The following B4GALNT3 variants were observed in gnomAD, a reference collection of about 807,000 sequenced individuals.
The protein encoded by B4GALNT3 is beta-1,4-N-acetylgalactosaminyltransferase 3.
A neutral mutation model predicts 120.2 loss-of-function variants in B4GALNT3; 86 were observed. That is an observed-to-expected ratio of 0.72 (90% CI 0.60 to 0.86). B4GALNT3 has a LOEUF of 0.86. Ranked by LOEUF, B4GALNT3 falls within the 40% of genes least tolerant of loss-of-function variation. B4GALNT3 has a pLI of 0.00. For synonymous variants in B4GALNT3, 518 were observed against 510.4 expected (o/e 1.01, Z -0.20); for missense variants, 1,167 against 1,298.9 (o/e 0.90, Z 1.56).
rs530461566 is a variant in B4GALNT3, at chr12:472,471, C to T, written c.169+11926C>T. On this transcript the variant is annotated intron_variant, in intron 1 of 19. Coordinates refer to ENST00000266383, the MANE Select transcript of B4GALNT3 (RefSeq NM_173593.4). ...ATTTTATTTTATTTATTTTTTGAGACGGAGTCTCGCTCTTTCGCCCAGGCT... is the reference window on the plus strand; with the variant it reads ...ATTTTATTTTATTTATTTTTTGAGATGGAGTCTCGCTCTTTCGCCCAGGCT... Among the ~76,000 whole-genome samples the T allele has an allele frequency of 9.6e-5, 13 of 135,966 alleles. 1 individual carries two copies. Among genetic ancestry groups the T allele is most frequent in the African/African-American group, 2.6e-4 (8 of 30,810 alleles). 89.2% of individuals were successfully genotyped at this position (135,966 alleles called of 152,430 possible).
At chr12:491,882 C>T (rs371208141) in intron 1 of B4GALNT3, among the ~76,000 whole-genome samples, 3 of 151,664 alleles carry the variant, frequency 2.0e-5, no homozygotes, top group Non-Finnish European at 2.9e-5. Flanking sequence ...AGTGAAACCT[C>T]GTCTCTACTA....
At chr12:491,295 A>G (rs140677603) in intron 1 of B4GALNT3, among the ~76,000 whole-genome samples, 154 of 152,080 alleles carry the variant, frequency 1.0e-3, no homozygotes, top group African/African-American at 3.6e-3. Context: ...TACAGAAAAG[A>G]TATTTGACAA....
intron 1 of B4GALNT3, among the ~76,000 whole-genome samples, chr12:505,101 C>T (rs773879620): frequency 2.0e-5 from 3 of 151,984 alleles, no homozygotes; most frequent in Non-Finnish European, 2.9e-5. Flanking sequence ...ACCATATTGG[C>T]CAACATGGTC....
At chr12:496,633 G>A (rs180833229) in intron 1 of B4GALNT3, among the ~76,000 whole-genome samples, 4 of 152,110 alleles carry the variant, frequency 2.6e-5, no homozygotes, top group East Asian at 3.9e-4. Flanking sequence ...ACAATTCAGC[G>A]GCATTTAGTA....
Position 550,603 on chromosome 12 carries a change from G to C in B4GALNT3, c.998-319G>C, listed in dbSNP as rs546360642. Among the ~76,000 whole-genome samples, 4 of 152,324 alleles carry C rather than the reference G, an allele frequency of 2.6e-5. No individual in the cohort carries two copies. Among genetic ancestry groups the C allele is most frequent in the African/African-American group, 9.6e-5 (4 of 41,578 alleles). On this transcript the variant is annotated intron_variant, in intron 10 of 19. Coordinates refer to ENST00000266383, the MANE Select transcript of B4GALNT3 (RefSeq NM_173593.4). The surrounding 1 kb of genome is among the most constrained non-coding windows in gnomAD (Gnocchi z 4.1). ...CCCATGGTAGGAAATCCAGTTATCG[G>C]TACTGTACGAGGGAGGGGACCTTCT...
At chr12:511,055 T>TTTTGTGTTTG (rs1946544283) in intron 1 of B4GALNT3, among the ~76,000 whole-genome samples, 1 of 113,192 alleles carries the variant, frequency 8.8e-6, no homozygotes. Flanking sequence ...TTTTTTTTTT[T>TTTTGTGTTTG]GAGACAGGGT....
intron 1 of B4GALNT3, among the ~76,000 whole-genome samples, chr12:490,839 A>G (rs1946333432): frequency 6.6e-6 from 1 of 152,232 alleles, no homozygotes; most frequent in Non-Finnish European, 1.5e-5. Flanking sequence ...AAGAAGAAAT[A>G]AACCATCTGA....
intron 1 of B4GALNT3, among the ~76,000 whole-genome samples, chr12:475,168 C>T (rs552675347): frequency 2.7e-4 from 41 of 152,100 alleles, no homozygotes; most frequent in Non-Finnish European, 4.0e-4. Context: ...GGTGAAGAAA[C>T]GGTTACACTT....
chr12:532,109 A>G (rs11063449), intron 1 of B4GALNT3, among the ~76,000 whole-genome samples: 5,915 of 152,254 alleles, frequency 0.039, 278 homozygotes, highest in African/African-American at 0.11. Flanking sequence ...CCAGGCCACA[A>G]TTAGATCTTT....
At chr12:545,804 C>A (rs1449730925) in intron 6 of B4GALNT3, among the ~76,000 whole-genome samples, 34 of 39,462 alleles carry the variant, frequency 8.6e-4, no homozygotes, top group African/African-American at 2.6e-3. Flanking sequence ...TGGGGAGGAG[C>A]GAGGAGTGGG....
At chr12:489,852 C>T (rs1365631773) in intron 1 of B4GALNT3, among the ~76,000 whole-genome samples, 1 of 152,180 alleles carries the variant, frequency 6.6e-6, no homozygotes, top group Non-Finnish European at 1.5e-5. Flanking sequence ...CAAGATTGAC[C>T]ATATTCGGGG....
At chr12:496,494 G>T (rs753415984) in intron 1 of B4GALNT3, among the ~76,000 whole-genome samples, 17 of 152,092 alleles carry the variant, frequency 1.1e-4, no homozygotes, top group Non-Finnish European at 2.4e-4. Context: ...CAGCTACCTG[G>T]CAGGCTGAGG....
chr12:500,473 A>T (rs1946427118), intron 1 of B4GALNT3, among the ~76,000 whole-genome samples: 1 of 152,204 alleles, frequency 6.6e-6, no homozygotes, highest in Non-Finnish European at 1.5e-5. Flanking sequence ...CTAGTCCTGC[A>T]TGTAACAGGG....
chr12:535,064 G>A (rs1248442784), intron 1 of B4GALNT3, 102 bp from the exon 2 acceptor site: 2 of 916,618 alleles, frequency 2.2e-6, no homozygotes, highest in Admixed American at 2.4e-5. Context: ...GAAGAGAGGT[G>A]AGAAGGGAAG....
At chr12:554,376 C>T (rs141971331) in intron 14 of B4GALNT3, among the ~76,000 whole-genome samples, 92 of 152,348 alleles carry the variant, frequency 6.0e-4, no homozygotes, top group Middle Eastern at 3.4e-3. Context: ...GGGCGTGATG[C>T]ATGACTGGAG....
At chr12:498,013 CT>C (rs1209262812) in intron 1 of B4GALNT3, among the ~76,000 whole-genome samples, 1 of 152,146 alleles carries the variant, frequency 6.6e-6, no homozygotes, top group Non-Finnish European at 1.5e-5. Flanking sequence ...AAACCCACCC[CT>C]GATTTCCCAT....
intron 14 of B4GALNT3, among the ~76,000 whole-genome samples, chr12:556,280 C>G (rs1280009268): frequency 6.6e-6 from 1 of 152,092 alleles, no homozygotes; most frequent in Non-Finnish European, 1.5e-5. Context: ...TCAGTGTGAC[C>G]CCTCTTATTC....
At chr12:468,622 C>T (rs368843026) in intron 1 of B4GALNT3, among the ~76,000 whole-genome samples, 3 of 152,174 alleles carry the variant, frequency 2.0e-5, no homozygotes, top group African/African-American at 4.8e-5. Context: ...CTGCAAAGGT[C>T]TCACACCAGC....
At chr12:501,896 T>C (rs889770700) in intron 1 of B4GALNT3, among the ~76,000 whole-genome samples, 1 of 152,240 alleles carries the variant, frequency 6.6e-6, no homozygotes, top group Non-Finnish European at 1.5e-5. Context: ...CAGGCGGTAC[T>C]GTACTTACGG....
Sources: gnomAD v4.1 joint callset for allele counts (sites outside exome capture counted in the v4.1 genomes callset) on GRCh38, gnomAD v4.1.1 for gene constraint, Gnocchi (gnomAD v3.1) non-coding constraint, MANE v1.5 for transcripts, NCBI Gene and HGNC (gene_info 2026-07-23, HGNC 2026-07-21) for gene names.